The following CTNNA3 variants were observed in gnomAD, a reference collection of about 807,000 sequenced individuals.
The protein encoded by CTNNA3 is catenin alpha 3.
CTNNA3 carries 76 observed loss-of-function variants against 95.7 expected under a neutral mutation model. That is an observed-to-expected ratio of 0.79 (90% CI 0.66 to 0.96). The LOEUF is 0.96. CTNNA3 is among the 40% of genes least tolerant of loss of function. The pLI is 0.00. For missense variants in CTNNA3, 1,191 were observed against 1,089.8 expected, an observed-to-expected ratio of 1.09 and a Z score of -1.31; for synonymous variants, 431 against 374.4, an observed-to-expected ratio of 1.15 and a Z score of -1.74.
At chr10:66,452,533 AGAT>A (rs1456972399) in intron 11 of CTNNA3, among the ~76,000 whole-genome samples, 3 of 152,148 alleles carry the variant, frequency 2.0e-5, no homozygotes, top group Middle Eastern at 3.2e-3. Flanking sequence ...TTTGGAACAA[AGAT>A]GATAACAGCT....
chr10:67,608,641 C>T (rs964051878), intron 2 of CTNNA3, among the ~76,000 whole-genome samples: 7 of 151,530 alleles, frequency 4.6e-5, no homozygotes, highest in Non-Finnish European at 1.0e-4. Context: ...AAATTTTATT[C>T]GCCAATTTTA....
intron 7 of CTNNA3, among the ~76,000 whole-genome samples, chr10:67,097,344 C>T (rs1293101400): frequency 6.6e-6 from 1 of 151,834 alleles, no homozygotes; most frequent in Non-Finnish European, 1.5e-5. Context: ...ACCATGTAGG[C>T]TACTACTTAT....
At chr10:67,277,916 G>A (rs1218129671) in intron 5 of CTNNA3, among the ~76,000 whole-genome samples, 1 of 152,126 alleles carries the variant, frequency 6.6e-6, no homozygotes, top group Non-Finnish European at 1.5e-5. Flanking sequence ...TCCACCCCTT[G>A]TTTGGCATAT....
At chr10:67,307,173 G>C (rs1840589242) in intron 5 of CTNNA3, among the ~76,000 whole-genome samples, 1 of 151,866 alleles carries the variant, frequency 6.6e-6, no homozygotes, top group African/African-American at 2.4e-5. Flanking sequence ...GGAAAGTATG[G>C]AAAAAAATAT....
chr10:67,484,418 A>G (rs1848368544), intron 5 of CTNNA3, among the ~76,000 whole-genome samples: 2 of 152,300 alleles, frequency 1.3e-5, no homozygotes, highest in South Asian at 4.1e-4. Context: ...ATTTATCACT[A>G]AATCCTCAAA....
chr10:66,412,757 C>A (rs1389956658), intron 11 of CTNNA3, among the ~76,000 whole-genome samples: 1 of 151,852 alleles, frequency 6.6e-6, no homozygotes, highest in Non-Finnish European at 1.5e-5. Flanking sequence ...CCGCGCCTGG[C>A]CCCAAATATT....
chr10:66,480,398 G>A (rs2131899130), intron 11 of CTNNA3, among the ~76,000 whole-genome samples: 1 of 152,208 alleles, frequency 6.6e-6, no homozygotes, highest in Admixed American at 6.5e-5. Flanking sequence ...AATCAATCAT[G>A]TATTTCTGTG....
intron 9 of CTNNA3, among the ~76,000 whole-genome samples, chr10:66,625,590 T>C (rs1341840703): frequency 6.6e-6 from 1 of 152,094 alleles, no homozygotes; most frequent in Non-Finnish European, 1.5e-5. Flanking sequence ...GGTTTCGCCA[T>C]GTTGGCTAAG....
At chr10:66,611,481 T>C (rs1195133126) in intron 10 of CTNNA3, among the ~76,000 whole-genome samples, 2 of 152,108 alleles carry the variant, frequency 1.3e-5, no homozygotes, top group African/African-American at 2.4e-5. Context: ...TAGGACTTTA[T>C]GGTAAAAAGT....
At chr10:66,566,724 T>A (rs1358375589) in intron 10 of CTNNA3, among the ~76,000 whole-genome samples, 1 of 151,786 alleles carries the variant, frequency 6.6e-6, no homozygotes, top group African/African-American at 2.4e-5. Flanking sequence ...TGAGTAGGAG[T>A]CTGGCTAATC....
chr10:67,581,032 T>C (rs574258815), intron 3 of CTNNA3, among the ~76,000 whole-genome samples: 4 of 152,302 alleles, frequency 2.6e-5, no homozygotes, highest in Admixed American at 6.5e-5. Context: ...CCTCTTTTCC[T>C]AATTGAATAC....
At chr10:67,696,982 T>C (rs144071361), upstream of CTNNA3, among the ~76,000 whole-genome samples, 52 of 152,328 alleles carry the variant, frequency 3.4e-4, no homozygotes, top group African/African-American at 1.3e-3. Flanking sequence ...GTTTTGGCAG[T>C]CCTGTTCTTA....
At chr10:66,133,796 A>C (rs574382288) in intron 13 of CTNNA3, among the ~76,000 whole-genome samples, 1 of 152,294 alleles carries the variant, frequency 6.6e-6, no homozygotes, top group African/African-American at 2.4e-5. Context: ...TTTTAAATGA[A>C]TGAGGTTAGG....
intron 13 of CTNNA3, among the ~76,000 whole-genome samples, chr10:66,264,073 G>GA (rs934930731): frequency 1.3e-4 from 19 of 151,602 alleles, no homozygotes; most frequent in South Asian, 4.2e-4. Context: ...TACATCCTAA[G>GA]AAAAAAACAA....
At chr10:66,334,366 C>T (rs946795588) in intron 12 of CTNNA3, among the ~76,000 whole-genome samples, 9 of 151,898 alleles carry the variant, frequency 5.9e-5, no homozygotes, top group South Asian at 2.1e-4. Context: ...TGGCTGGTAC[C>T]GGTTGTTCCT....
At chr10:66,437,767 G>C (rs1396100140) in intron 11 of CTNNA3, among the ~76,000 whole-genome samples, 2 of 152,054 alleles carry the variant, frequency 1.3e-5, no homozygotes, top group African/African-American at 4.8e-5. Context: ...GTGATCCTTT[G>C]GAAGAGACAT....
At chr10:66,919,619 A>G (rs961154810) in intron 7 of CTNNA3, among the ~76,000 whole-genome samples, 2 of 152,202 alleles carry the variant, frequency 1.3e-5, no homozygotes, top group African/African-American at 2.4e-5. Flanking sequence ...GACCATTTTA[A>G]TGGTCAGACC....
intron 12 of CTNNA3, among the ~76,000 whole-genome samples, chr10:66,353,354 A>G (rs74141454): frequency 0.012 from 1,764 of 152,254 alleles, 24 homozygotes; most frequent in African/African-American, 0.035. Flanking sequence ...TAAATTCAGT[A>G]GGCTCAAATA....
intron 10 of CTNNA3, among the ~76,000 whole-genome samples, chr10:66,588,402 C>T (rs545426461): frequency 2.3e-4 from 35 of 151,800 alleles, no homozygotes; most frequent in African/African-American, 8.0e-4. Flanking sequence ...TCTCTGCACA[C>T]TATTTTGTCT....
Sources: allele counts gnomAD v4.1 joint callset (sites outside exome capture counted in the v4.1 genomes callset), GRCh38; gene constraint gnomAD v4.1.1; transcripts MANE v1.5; gene names NCBI Gene and HGNC (gene_info 2026-07-23, HGNC 2026-07-21).